Variants in CRB1 observed in about 807,000 individuals in gnomAD.
The protein encoded by CRB1 is protein crumbs homolog 1.
A neutral mutation model predicts 120.0 loss-of-function variants in CRB1; 83 were observed. That is an observed-to-expected ratio of 0.69 (90% CI 0.58 to 0.83). CRB1 has a LOEUF of 0.83. Ranked by LOEUF, CRB1 falls within the 40% of genes least tolerant of loss-of-function variation. The pLI, the probability that CRB1 is intolerant of heterozygous loss-of-function variation, is 0.00. For synonymous variants in CRB1, 625 were observed against 612.5 expected, an observed-to-expected ratio of 1.02 and a Z score of -0.30; for missense variants, 1,699 against 1,687.6, an observed-to-expected ratio of 1.01 and a Z score of -0.12.
rs559102451 is a variant in CRB1, at chr1:197,323,751, A to T, written c.71-4671A>T. 6.9e-4 allele frequency among the ~76,000 whole-genome samples: 105 copies of T among 152,270 alleles called. 1 individual carries two copies. The highest frequency in any genetic ancestry group is 1.9e-3 in the African/African-American group (80 of 41,558). On this transcript the variant is annotated intron_variant, in intron 1 of 11. Coordinates refer to ENST00000367400, the MANE Select transcript of CRB1 (RefSeq NM_201253.3). ...GGTAAATGTGTATGATTGCAGCCTG[A>T]GGCACATGCACTTGGTCCCTTACCC...
intron 5 of CRB1, among the ~76,000 whole-genome samples, chr1:197,374,421 G>A (rs1222350118): frequency 1.3e-5 from 2 of 152,190 alleles, no homozygotes; most frequent in East Asian, 3.9e-4. Flanking sequence ...GAGTGTCAGG[G>A]CCCAGAGGAC....
chr1:197,395,719 T>C (rs1482398857), intron 5 of CRB1, among the ~76,000 whole-genome samples: 1 of 152,082 alleles, frequency 6.6e-6, no homozygotes, highest in Non-Finnish European at 1.5e-5. Flanking sequence ...TTAATGTAAT[T>C]CACCATGATA....
chr1:197,404,290 T>C (rs1663218867), intron 5 of CRB1, among the ~76,000 whole-genome samples: 1 of 151,988 alleles, frequency 6.6e-6, no homozygotes, highest in African/African-American at 2.4e-5. Flanking sequence ...CTCTGTACTT[T>C]CCTAAAAGTA....
rs531828773 is a variant in CRB1 at position 197,313,905 on chromosome 1, G to T, written c.71-14517G>T. Among the ~76,000 whole-genome samples, 159 of 152,264 alleles carry T rather than the reference G, an allele frequency of 1.0e-3. 1 individual carries two copies. The highest frequency in any genetic ancestry group is 3.6e-3 in the African/African-American group (149 of 41,558). Reference sequence around the variant, plus strand: ...AAACGTGGGAGTGCAAATATCTCAAGTCTTTAATCTATTTTGAGTTAGTAT... The same window carrying T: ...AAACGTGGGAGTGCAAATATCTCAATTCTTTAATCTATTTTGAGTTAGTAT... On this transcript the variant is annotated intron_variant, in intron 1 of 11. Coordinates refer to ENST00000367400, the MANE Select transcript of CRB1 (RefSeq NM_201253.3).
chr1:197,284,736 A>G (rs192036557), intron 1 of CRB1, among the ~76,000 whole-genome samples: 78 of 152,080 alleles, frequency 5.1e-4, no homozygotes, highest in Non-Finnish European at 9.6e-4. Flanking sequence ...TAGTAAGCAA[A>G]CAAAAACTTC....
At chr1:197,247,295 A>G in the CRB1 span, among the ~76,000 whole-genome samples, 2 of 152,004 alleles carry the variant, frequency 1.3e-5, no homozygotes, top group Admixed American at 1.3e-4. Context: ...TTTTATTATA[A>G]ATGTTTTTGT....
chr1:197,434,679 T>A lies in CRB1; in HGVS notation c.2843-27T>A, dbSNP rs202157545. 8 of 1,585,746 alleles carry A rather than the reference T, an allele frequency of 5.0e-6. No individual in the cohort carries two copies. The South Asian group carries it at 8.9e-5, about 18-fold the overall frequency. ...GCAAACTATAGATTTAATAAAGTTA[T>A]TGATTATTATCACCTTCTCTCATTA... On this transcript the variant is annotated intron_variant, in intron 8 of 11. Transcript: ENST00000367400.
chr1:197,297,845 T>C (rs188231239), intron 1 of CRB1, among the ~76,000 whole-genome samples: 2 of 152,142 alleles, frequency 1.3e-5, no homozygotes, highest in South Asian at 2.1e-4. Context: ...TTTTAAGAGA[T>C]AGAGAGATAA....
intron 11 of CRB1, among the ~76,000 whole-genome samples, chr1:197,454,033 C>T (rs1478827206): frequency 1.4e-5 from 2 of 146,958 alleles, no homozygotes; most frequent in African/African-American, 2.5e-5. Flanking sequence ...CTCATGTTGC[C>T]GAGGCTGGTC....
chr1:197,310,402 G>A (rs1305604227), intron 1 of CRB1, among the ~76,000 whole-genome samples: 3 of 152,168 alleles, frequency 2.0e-5, no homozygotes, highest in Non-Finnish European at 4.4e-5. Flanking sequence ...TTCTGGGCTG[G>A]AGACTCAGCA....
intron 3 of CRB1, among the ~76,000 whole-genome samples, chr1:197,344,710 C>G (rs1334443221): frequency 6.6e-6 from 1 of 152,054 alleles, no homozygotes; most frequent in Non-Finnish European, 1.5e-5. Context: ...ACTGCTTATC[C>G]TATGGAAAAT....
At chr1:197,304,129 A>C (rs993177240) in intron 1 of CRB1, among the ~76,000 whole-genome samples, 1 of 152,212 alleles carries the variant, frequency 6.6e-6, no homozygotes, top group Admixed American at 6.5e-5. Context: ...TGGTAATACT[A>C]TTGGTGGATC....
chr1:197,288,708 T>A (rs1329778284), intron 1 of CRB1, among the ~76,000 whole-genome samples: 1 of 151,738 alleles, frequency 6.6e-6, no homozygotes, highest in East Asian at 1.9e-4. Flanking sequence ...TTGGAAGAGA[T>A]GAATGACAAA....
At chr1:197,353,678 G>A (rs774605124) in intron 4 of CRB1, among the ~76,000 whole-genome samples, 44 of 152,062 alleles carry the variant, frequency 2.9e-4, no homozygotes, top group African/African-American at 1.0e-3. Flanking sequence ...GCACACGCCT[G>A]TAATCCCAGC....
Position 197,352,933 on chromosome 1 carries a change from T to A in CRB1, c.989-3898T>A, listed in dbSNP as rs573540631. Among the ~76,000 whole-genome samples, 13 of 152,284 alleles carry A rather than the reference T, an allele frequency of 8.5e-5. No homozygotes were observed. The East Asian group carries it at 1.7e-3, about 20-fold the overall frequency. ...CCTGGTTTATGTGCTAAACTAGGATTATAATCTAAATTGTTATTTTCAATC... is the reference window on the plus strand; with the variant it reads ...CCTGGTTTATGTGCTAAACTAGGATAATAATCTAAATTGTTATTTTCAATC... On this transcript the variant is annotated intron_variant, in intron 4 of 11. Transcript: ENST00000367400.
intron 9 of CRB1, among the ~76,000 whole-genome samples, chr1:197,437,645 T>C (rs982515123): frequency 6.6e-6 from 1 of 152,124 alleles, no homozygotes; most frequent in Non-Finnish European, 1.5e-5. Context: ...GTCTTTATGA[T>C]ATCCTTCTTT....
chr1:197,298,456 G>A (rs144313898), intron 1 of CRB1, among the ~76,000 whole-genome samples: 8 of 152,220 alleles, frequency 5.3e-5, no homozygotes, highest in African/African-American at 1.4e-4. Context: ...TGCTTCAGGC[G>A]AGAGGAACCT....
chr1:197,389,119 T>C (rs1239268898), intron 5 of CRB1, among the ~76,000 whole-genome samples: 1 of 152,078 alleles, frequency 6.6e-6, no homozygotes, highest in East Asian at 1.9e-4. Context: ...TGGCAAGGTA[T>C]CATGGTGAAA....
At chr1:197,297,819 T>C (rs1656623115) in intron 1 of CRB1, among the ~76,000 whole-genome samples, 1 of 152,024 alleles carries the variant, frequency 6.6e-6, no homozygotes, top group Non-Finnish European at 1.5e-5. Flanking sequence ...AGTATGAAGC[T>C]ATAAAAAAGA....
Sources: allele counts gnomAD v4.1 joint callset (sites outside exome capture counted in the v4.1 genomes callset), GRCh38; gene constraint gnomAD v4.1.1; transcripts MANE v1.5; gene names NCBI Gene and HGNC (gene_info 2026-07-23, HGNC 2026-07-21).